The following LIPC variants were observed in gnomAD, a reference collection of about 807,000 sequenced individuals.
LIPC encodes lipase C, hepatic type, also known as hepatic triacylglycerol lipase.
A neutral mutation model predicts 50.7 loss-of-function variants in LIPC; 44 were observed. That is an observed-to-expected ratio of 0.87 (90% confidence interval 0.68 to 1.11). The LOEUF (loss-of-function observed/expected upper bound fraction) is 1.11. LIPC is among the 50% of genes most tolerant of loss of function. The pLI is 0.00. For missense variants in LIPC, 697 were observed against 648.2 expected, an observed-to-expected ratio of 1.08 and a Z score of -0.82; for synonymous variants, 271 against 256.4, an observed-to-expected ratio of 1.06 and a Z score of -0.54.
In LIPC at chr15:58,543,422, C is replaced by T. The variant is rs559345281; in HGVS notation, c.574+771C>T. ...CCCTTCCCATAGCTCTAGGCTTCAACGACACAAGGTTTTTCTCTACTTCAC... is the reference window on the plus strand; with the variant it reads ...CCCTTCCCATAGCTCTAGGCTTCAATGACACAAGGTTTTTCTCTACTTCAC... On this transcript the variant is annotated intron_variant, in intron 4 of 8. Coordinates refer to ENST00000299022, the MANE Select transcript of LIPC (RefSeq NM_000236.3). Among the ~76,000 whole-genome samples, 9 of 152,174 alleles carry T rather than the reference C, an allele frequency of 5.9e-5. No individual in the cohort carries two copies. The South Asian group carries it at 1.5e-3, about 25-fold the overall frequency.
intron 1 of LIPC, among the ~76,000 whole-genome samples, chr15:58,461,171 A>T (rs1894335853): frequency 6.6e-6 from 1 of 152,240 alleles, no homozygotes; most frequent in African/African-American, 2.4e-5. Context: ...AACAGCATTT[A>T]AAGATTGGCT....
chr15:58,437,707 G>A (rs1379631992), intron 1 of LIPC, among the ~76,000 whole-genome samples: 1 of 152,082 alleles, frequency 6.6e-6, no homozygotes, highest in Non-Finnish European at 1.5e-5. Context: ...AGATTTCTGA[G>A]AGGCCTCCAC....
chr15:58,540,612 AGC>A (rs1893287406), intron 2 of LIPC, among the ~76,000 whole-genome samples: 1 of 152,140 alleles, frequency 6.6e-6, no homozygotes, highest in South Asian at 2.1e-4. Flanking sequence ...GGAGCTCTCC[AGC>A]TTCACCCGCT....
chr15:58,489,453 A>C (rs1446634360), intron 1 of LIPC, among the ~76,000 whole-genome samples: 1 of 152,112 alleles, frequency 6.6e-6, no homozygotes, highest in South Asian at 2.1e-4. Flanking sequence ...TTTGATGTAC[A>C]GGGGATTAGG....
chr15:58,566,097 G>A, intron 8 of LIPC: 1 of 973,302 alleles, frequency 1.0e-6, no homozygotes, highest in Non-Finnish European at 1.2e-6. Context: ...TAGTGAGTCT[G>A]GGGTGAGCCT....
At chr15:58,543,510 T>C (rs994623772) in intron 4 of LIPC, among the ~76,000 whole-genome samples, 1 of 152,008 alleles carries the variant, frequency 6.6e-6, no homozygotes, top group Non-Finnish European at 1.5e-5. Context: ...TGCCCACCAC[T>C]CAGCCACTCA....
intron 1 of LIPC, among the ~76,000 whole-genome samples, chr15:58,531,044 A>G (rs1892945403): frequency 6.6e-6 from 1 of 152,200 alleles, no homozygotes; most frequent in Non-Finnish European, 1.5e-5. Context: ...TCCTATAGTA[A>G]GTGTACATTT....
intron 6 of LIPC, among the ~76,000 whole-genome samples, chr15:58,558,980 A>G (rs1024245097): frequency 9.2e-5 from 14 of 152,208 alleles, no homozygotes; most frequent in African/African-American, 3.4e-4. Context: ...AAATGGGAAG[A>G]TTAGTTTATG....
chr15:58,532,199 G>A (rs1892980898), intron 1 of LIPC, among the ~76,000 whole-genome samples: 1 of 152,214 alleles, frequency 6.6e-6, no homozygotes, highest in South Asian at 2.1e-4. Context: ...GGCAGAATCT[G>A]CTTATCTCCA....
intron 1 of LIPC, among the ~76,000 whole-genome samples, chr15:58,500,154 G>GCAT (rs1891931058): frequency 6.6e-6 from 1 of 151,910 alleles, no homozygotes; most frequent in African/African-American, 2.4e-5. Flanking sequence ...ACAGTAAGGA[G>GCAT]GGGTGGAAAG....
At chr15:58,487,551 T>C (rs749952211) in intron 1 of LIPC, among the ~76,000 whole-genome samples, 1 of 152,250 alleles carries the variant, frequency 6.6e-6, no homozygotes, top group African/African-American at 2.4e-5. Context: ...TAAAACTGAA[T>C]GCATTTTTGC....
intron 1 of LIPC, among the ~76,000 whole-genome samples, chr15:58,464,232 G>A (rs570999269): frequency 1.3e-5 from 2 of 152,196 alleles, no homozygotes; most frequent in East Asian, 3.9e-4. Context: ...AAGTTTCCTA[G>A]GCTGGTACTC....
chr15:58,444,608 G>C (rs1244713631), intron 1 of LIPC, among the ~76,000 whole-genome samples: 1 of 152,140 alleles, frequency 6.6e-6, no homozygotes, highest in Non-Finnish European at 1.5e-5. Context: ...CGTCTCTTCT[G>C]TCTGCACACA....
intron 4 of LIPC, among the ~76,000 whole-genome samples, chr15:58,545,285 C>T (rs1349247260): frequency 6.6e-6 from 1 of 151,838 alleles, no homozygotes; most frequent in East Asian, 1.9e-4. Flanking sequence ...GTTGCCTAGA[C>T]TGGGTCACAG....
At chr15:58,465,615 C>A (rs529539379) in intron 1 of LIPC, among the ~76,000 whole-genome samples, 14 of 152,008 alleles carry the variant, frequency 9.2e-5, no homozygotes, top group Non-Finnish European at 1.8e-4. Context: ...GGATGGAGTC[C>A]CAAGTGAATC....
At chr15:58,541,739 G>C (rs6076) in intron 2 of LIPC, 46 bp from the exon 3 acceptor site, 1 of 1,574,536 alleles carries the variant, frequency 6.4e-7, no homozygotes, top group Non-Finnish European at 8.7e-7. Context: ...AAGGGTGAGC[G>C]GGGAGAAAGG....
intron 1 of LIPC, among the ~76,000 whole-genome samples, chr15:58,514,503 G>A (rs1050146720): frequency 3.3e-5 from 5 of 152,122 alleles, no homozygotes; most frequent in Non-Finnish European, 7.4e-5. Flanking sequence ...ACTCAGAAAG[G>A]TTAAACCTCT....
At chr15:58,445,243 T>C (rs1893653433) in intron 1 of LIPC, among the ~76,000 whole-genome samples, 1 of 152,218 alleles carries the variant, frequency 6.6e-6, no homozygotes. Context: ...GAGTGAGTGA[T>C]GAAACTCACC....
chr15:58,528,733 A>G (rs540434569), intron 1 of LIPC, among the ~76,000 whole-genome samples: 30 of 152,226 alleles, frequency 2.0e-4, no homozygotes, highest in Non-Finnish European at 3.4e-4. Flanking sequence ...CATGGGCCCA[A>G]CTTGAGTTTC....
Sources: allele counts gnomAD v4.1 joint callset (sites outside exome capture counted in the v4.1 genomes callset), GRCh38; gene constraint gnomAD v4.1.1; transcripts MANE v1.5; gene names NCBI Gene and HGNC (gene_info 2026-07-23, HGNC 2026-07-21).